RIMBP2: variants seen among roughly 807,000 people sequenced by gnomAD.
The protein encoded by RIMBP2 is RIMS binding protein 2.
A neutral mutation model predicts 118.6 loss-of-function variants in RIMBP2; 48 were observed. That is an observed-to-expected ratio of 0.40 (90% CI 0.32 to 0.51). The LOEUF (loss-of-function observed/expected upper bound fraction) is 0.51, where lower values mean the gene tolerates loss of function less well. RIMBP2 is among the 20% of genes least tolerant of loss of function. The pLI is 0.41. For missense variants in RIMBP2, 1,551 were observed against 1,768.3 expected, an observed-to-expected ratio of 0.88 and a Z score of 2.20; for synonymous variants, 762 against 742.9, an observed-to-expected ratio of 1.03 and a Z score of -0.42.
intron 2 of RIMBP2, among the ~76,000 whole-genome samples, chr12:130,593,865 T>C (rs917469497): frequency 6.6e-6 from 1 of 152,208 alleles, no homozygotes; most frequent in African/African-American, 2.4e-5. Context: ...GGACTTTCCA[T>C]CTCCTTTCCC....
intron 1 of RIMBP2, among the ~76,000 whole-genome samples, chr12:130,679,290 C>A (rs2064655449): frequency 6.6e-6 from 1 of 152,172 alleles, no homozygotes; most frequent in African/African-American, 2.4e-5. Flanking sequence ...CCCCTTTATC[C>A]AGTACAGAGC....
At chr12:130,517,055 C>T (rs2051541963) in intron 3 of RIMBP2, among the ~76,000 whole-genome samples, 1 of 152,110 alleles carries the variant, frequency 6.6e-6, no homozygotes, top group Admixed American at 6.5e-5. Flanking sequence ...AAACTTAATC[C>T]TCAACAGGGC....
At position 130,672,646 on chromosome 12, in the gene RIMBP2, G is replaced by T. The variant is rs368683449; in HGVS notation, c.-352+43576C>A. On this transcript the variant is annotated intron_variant, in intron 1 of 22. Transcript: ENST00000690449. ...TTTTAACAGCAAAACCTCCACGGGGGGTTGCAGAGGCCAGTCTGGCAGGCA... is the reference window on the plus strand; with the variant it reads ...TTTTAACAGCAAAACCTCCACGGGGTGTTGCAGAGGCCAGTCTGGCAGGCA... Among the ~76,000 whole-genome samples, 80 of 152,320 alleles carry T rather than the reference G, an allele frequency of 5.3e-4. 2 individuals are homozygous for T. The East Asian group carries it at 8.7e-3, about 17-fold the overall frequency.
rs1171293233 is a variant in RIMBP2 at position 130,664,407 on chromosome 12, G to GCA, written c.-351-35953_-351-35952dup. Among the ~76,000 whole-genome samples, 133 of 86,094 alleles carry GCA rather than the reference G, an allele frequency of 1.5e-3. 1 individual carries two copies. Among genetic ancestry groups the GCA allele is most frequent in the South Asian group, 6.6e-3 (18 of 2,708 alleles). The allele number at this position is 86,094 out of a possible 152,430, so 56.5% of individuals were successfully genotyped here. A position where few individuals can be genotyped will look rare whatever the true frequency, so the allele number is the denominator to read the frequency against. ...CGCGCATGCACACACACGCACGCAC[G>GCA]CACGCACACACACGCACACACATGC... On this transcript the variant is annotated intron_variant, in intron 1 of 22. Coordinates refer to ENST00000690449, the MANE Select transcript of RIMBP2 (RefSeq NM_001393629.1).
intron 2 of RIMBP2, among the ~76,000 whole-genome samples, chr12:130,565,604 T>C (rs1179954239): frequency 6.6e-6 from 1 of 152,236 alleles, no homozygotes; most frequent in Non-Finnish European, 1.5e-5. Flanking sequence ...ATTTCTAGGA[T>C]AACCATGAGC....
At chr12:130,536,828 G>A (rs760411866) in intron 2 of RIMBP2, among the ~76,000 whole-genome samples, 9 of 152,174 alleles carry the variant, frequency 5.9e-5, no homozygotes, top group South Asian at 2.1e-4. Flanking sequence ...CCAGGTGACC[G>A]TGGTTGACAG....
intron 2 of RIMBP2, among the ~76,000 whole-genome samples, chr12:130,563,790 T>C (rs894237105): frequency 2.0e-5 from 3 of 152,184 alleles, no homozygotes; most frequent in African/African-American, 7.2e-5. Flanking sequence ...CCTCACCCTC[T>C]CCACCAACCC....
chr12:130,462,684 A>C (rs1428096334), intron 6 of RIMBP2, among the ~76,000 whole-genome samples: 3 of 152,192 alleles, frequency 2.0e-5, no homozygotes, highest in Non-Finnish European at 4.4e-5. Flanking sequence ...GTCCCTGTGC[A>C]GTTGACGTGC....
chr12:130,544,271 G>C (rs1247701756), intron 2 of RIMBP2, among the ~76,000 whole-genome samples: 1 of 152,210 alleles, frequency 6.6e-6, no homozygotes, highest in East Asian at 1.9e-4. Flanking sequence ...CTCCCCAGTA[G>C]GTGCTTTTGT....
At chr12:130,594,316 C>T (rs1438697444) in intron 2 of RIMBP2, among the ~76,000 whole-genome samples, 2 of 152,216 alleles carry the variant, frequency 1.3e-5, no homozygotes, top group African/African-American at 2.4e-5. Flanking sequence ...ATGTGGGTCA[C>T]AATTCATGCT....
chr12:130,679,289 C>T (rs529203386), intron 1 of RIMBP2, among the ~76,000 whole-genome samples: 1 of 152,200 alleles, frequency 6.6e-6, no homozygotes, highest in African/African-American at 2.4e-5. Flanking sequence ...TCCCCTTTAT[C>T]CAGTACAGAG....
chr12:130,631,124 A>G (rs537212440), intron 1 of RIMBP2, among the ~76,000 whole-genome samples: 2 of 152,334 alleles, frequency 1.3e-5, no homozygotes, highest in East Asian at 3.9e-4. Flanking sequence ...TAGAGAAAAG[A>G]GAGACTCAAG....
In RIMBP2 at chr12:130,576,935, G is replaced by A. The variant is rs1160554112; in HGVS notation, c.-217+51387C>T. Among the ~76,000 whole-genome samples the A allele has an allele frequency of 1.3e-5, 2 of 152,202 alleles. No homozygotes were observed. Among genetic ancestry groups the A allele is most frequent in the African/African-American group, 2.4e-5 (1 of 41,464 alleles). ...ACAGGAACTTCTGGACAGAGATGGG[G>A]ACAAAGAGAAGCGAAGGGGATGGCC... is the stretch of plus-strand genomic sequence containing the variant. On this transcript the variant is annotated intron_variant, in intron 2 of 22. Transcript: ENST00000690449. This position sits in a 1 kb window ranked among gnomAD's most constrained non-coding sequence, Gnocchi z 4.2.
At chr12:130,484,424 G>A (rs2082310105) in intron 4 of RIMBP2, among the ~76,000 whole-genome samples, 2 of 152,142 alleles carry the variant, frequency 1.3e-5, no homozygotes, top group Admixed American at 1.3e-4. Flanking sequence ...CTGAAGCCTG[G>A]TGGCCGCCCG....
At chr12:130,709,478 A>G (rs746071439) in intron 1 of RIMBP2, among the ~76,000 whole-genome samples, 2 of 152,216 alleles carry the variant, frequency 1.3e-5, no homozygotes, top group Non-Finnish European at 2.9e-5. Context: ...TAAGGAGTCA[A>G]CACGCAGCTC....
chr12:130,683,821 T>A lies in RIMBP2; in HGVS notation c.-352+32401A>T, dbSNP rs377177463. Among the ~76,000 whole-genome samples, 4 of 152,308 alleles carry A rather than the reference T, an allele frequency of 2.6e-5. No homozygotes were observed. Among genetic ancestry groups the A allele is most frequent in the East Asian group, 3.9e-4 (2 of 5,184 alleles). ...AGAATAATCCACCCCTTGTTTAGCA[T>A]ATAATTAAGAAATAACCATAAAAAT... On this transcript the variant is annotated intron_variant, in intron 1 of 22. Transcript: ENST00000690449. The surrounding 1 kb of genome is among the most constrained non-coding windows in gnomAD (Gnocchi z 4.4).
Position 130,706,566 on chromosome 12 carries a change from A to G in RIMBP2, c.-352+9656T>C, listed in dbSNP as rs946158494. ...GGGCACAGGCAGGTCCGCGCTCCCC[A>G]TGGCAGCATGGCGTAGTGGCCAGGG... On this transcript the variant is annotated intron_variant, in intron 1 of 22. Coordinates refer to ENST00000690449, the MANE Select transcript of RIMBP2 (RefSeq NM_001393629.1). 2.6e-5 allele frequency among the ~76,000 whole-genome samples: 4 copies of G among 152,380 alleles called. No individual in the cohort carries two copies. The South Asian group carries it at 8.3e-4, about 32-fold the overall frequency.
chr12:130,569,038 A>C (rs1192933042), intron 2 of RIMBP2, among the ~76,000 whole-genome samples: 1 of 151,910 alleles, frequency 6.6e-6, no homozygotes, highest in Non-Finnish European at 1.5e-5. Context: ...TGGAGCAGAC[A>C]GGACATCCTC....
chr12:130,624,439 C>T (rs570693683), intron 2 of RIMBP2, among the ~76,000 whole-genome samples: 1 of 152,228 alleles, frequency 6.6e-6, no homozygotes, highest in South Asian at 2.1e-4. Context: ...CCACTTTTGT[C>T]TATACACCTG....
Sources: gnomAD v4.1 joint callset for allele counts (sites outside exome capture counted in the v4.1 genomes callset) on GRCh38, gnomAD v4.1.1 for gene constraint, Gnocchi (gnomAD v3.1) non-coding constraint, MANE v1.5 for transcripts, NCBI Gene and HGNC (gene_info 2026-07-23, HGNC 2026-07-21) for gene names.